The following EXT1 variants were observed in gnomAD, a reference collection of about 807,000 sequenced individuals.
EXT1 encodes exostosin-1.
In EXT1, 20 loss-of-function variants were observed where a neutral mutation model predicts 82.5. That is an observed-to-expected ratio of 0.24 (90% CI 0.17 to 0.35). EXT1 has a LOEUF of 0.35. EXT1 is among the 10% of genes least tolerant of loss of function. The probability of loss-of-function intolerance (pLI) is 1.00; values close to 1 mark genes in which losing one functional copy is unlikely to be tolerated. For missense variants in EXT1, 757 were observed against 936.5 expected, an observed-to-expected ratio of 0.81 and a Z score of 2.50; for synonymous variants, 348 against 350.8, an observed-to-expected ratio of 0.99 and a Z score of 0.09.
intron 1 of EXT1, among the ~76,000 whole-genome samples, chr8:118,089,823 G>A (rs1817490571): frequency 6.6e-6 from 1 of 152,204 alleles, no homozygotes; most frequent in South Asian, 2.1e-4. Flanking sequence ...AGGACAGGAA[G>A]CATGTGTGGT....
At chr8:117,980,698 G>T (rs2514725) in intron 1 of EXT1, among the ~76,000 whole-genome samples, 21,000 of 42,308 alleles carry the variant, frequency 0.5, 4,358 homozygotes, top group East Asian at 0.64. Flanking sequence ...GGTGTTGGTG[G>T]TTTTTTTTTT....
intron 1 of EXT1, among the ~76,000 whole-genome samples, chr8:117,943,468 AC>A (rs1814326569): frequency 6.7e-6 from 1 of 149,944 alleles, no homozygotes; most frequent in Non-Finnish European, 1.5e-5. Flanking sequence ...ATAGTCACAT[AC>A]AAAAAAAATG....
intron 1 of EXT1, among the ~76,000 whole-genome samples, chr8:117,880,744 C>A (rs1429139202): frequency 1.3e-5 from 2 of 152,032 alleles, no homozygotes; most frequent in African/African-American, 2.4e-5. Context: ...GCGCCCGCCA[C>A]CACGCCTGGC....
chr8:118,041,558 G>T (rs531301748), intron 1 of EXT1, among the ~76,000 whole-genome samples: 1 of 152,106 alleles, frequency 6.6e-6, no homozygotes, highest in South Asian at 2.1e-4. Flanking sequence ...CCCATGCATC[G>T]TGTTCCTCAA....
chr8:117,919,292 C>G (rs1813812003), intron 1 of EXT1, among the ~76,000 whole-genome samples: 1 of 151,136 alleles, frequency 6.6e-6, no homozygotes, highest in African/African-American at 2.4e-5. Flanking sequence ...CTCAAGTGAT[C>G]CTCCCACCTC....
intron 6 of EXT1, 120 bp downstream of exon 6, chr8:117,819,556 G>T (rs552891518): frequency 2.5e-6 from 2 of 814,686 alleles, no homozygotes; most frequent in African/African-American, 1.7e-5. Flanking sequence ...GAGTAGCAGG[G>T]TATGATGTTA....
chr8:118,111,694 T>TGGAGGC lies in EXT1; in HGVS notation c.-654_-649dup, dbSNP rs1248868192. ...CCCCCGGGACGCGCGGCGGCCCGGC[T>TGGAGGC]GGAGGCGGCGGCGGCGGCGGCGCTG... is the stretch of plus-strand genomic sequence containing the variant. On this transcript the variant is annotated 5_prime_UTR_variant, in exon 1 of 11. Coordinates refer to ENST00000378204, the MANE Select transcript of EXT1 (RefSeq NM_000127.3). 4.6e-6 allele frequency: 1 copy of TGGAGGC among 216,538 alleles called. No individual in the cohort carries two copies. Among genetic ancestry groups the TGGAGGC allele is most frequent in the Non-Finnish European group, 9.1e-6 (1 of 110,142 alleles). 13.4% of individuals were successfully genotyped at this position (216,538 alleles called of 1,614,324 possible).
chr8:117,890,877 C>G (rs542678722), intron 1 of EXT1, among the ~76,000 whole-genome samples: 2 of 152,130 alleles, frequency 1.3e-5, no homozygotes, highest in Non-Finnish European at 2.9e-5. Flanking sequence ...TAACTATCAC[C>G]GTTAGCTTGA....
chr8:117,902,812 A>C (rs1323292619), intron 1 of EXT1, among the ~76,000 whole-genome samples: 1 of 152,202 alleles, frequency 6.6e-6, no homozygotes, highest in Non-Finnish European at 1.5e-5. Flanking sequence ...GATTTAACAC[A>C]CATTATCTTC....
intron 1 of EXT1, among the ~76,000 whole-genome samples, chr8:117,953,016 CTG>C (rs1327314845): frequency 5.3e-5 from 8 of 152,092 alleles, no homozygotes; most frequent in Non-Finnish European, 1.2e-4. Context: ...CCAAGAATGT[CTG>C]TGTTTTAATT....
At chr8:118,098,932 C>T (rs1817668260) in intron 1 of EXT1, among the ~76,000 whole-genome samples, 1 of 152,098 alleles carries the variant, frequency 6.6e-6, no homozygotes, top group South Asian at 2.1e-4. Flanking sequence ...CTCTCTGGAG[C>T]CTTGGCGGAA....
chr8:118,085,874 T>C (rs1396588939), intron 1 of EXT1, among the ~76,000 whole-genome samples: 1 of 152,212 alleles, frequency 6.6e-6, no homozygotes, highest in Non-Finnish European at 1.5e-5. Context: ...TAAAGGAACA[T>C]TTCAAGCACC....
At chr8:117,829,763 C>T (rs1365135643) in intron 4 of EXT1, among the ~76,000 whole-genome samples, 2 of 151,656 alleles carry the variant, frequency 1.3e-5, no homozygotes, top group Non-Finnish European at 2.9e-5. Context: ...TTAGTAGAGA[C>T]GAGGTTTCAC....
intron 3 of EXT1, 137 bp downstream of exon 3, chr8:117,835,307 T>G: frequency 1.4e-6 from 1 of 707,990 alleles, no homozygotes. Flanking sequence ...TGACTTCATA[T>G]TCACCATGAC....
At chr8:117,835,419 T>C (rs749850964) in intron 3 of EXT1, 25 bp downstream of exon 3, 7 of 1,558,206 alleles carry the variant, frequency 4.5e-6, no homozygotes, top group Admixed American at 3.3e-5. Context: ...TGCTGATGTG[T>C]TGAAGGCCAC....
intron 1 of EXT1, among the ~76,000 whole-genome samples, chr8:117,906,529 C>G (rs1378783794): frequency 6.6e-6 from 1 of 152,162 alleles, no homozygotes; most frequent in African/African-American, 2.4e-5. Context: ...AATAAATATC[C>G]TCCAGTATGA....
chr8:117,827,348 A>G (rs1260759121), intron 4 of EXT1, among the ~76,000 whole-genome samples: 1 of 152,234 alleles, frequency 6.6e-6, no homozygotes, highest in Non-Finnish European at 1.5e-5. Context: ...AAATAATGGC[A>G]TATTGGTTTA....
intron 8 of EXT1, among the ~76,000 whole-genome samples, chr8:117,811,161 G>A (rs374426977): frequency 5.9e-5 from 9 of 152,276 alleles, no homozygotes; most frequent in African/African-American, 1.9e-4. Context: ...TTTGAATTCA[G>A]TTTGTTGCCA....
At chr8:118,099,374 T>C (rs1187155935) in intron 1 of EXT1, among the ~76,000 whole-genome samples, 1 of 152,242 alleles carries the variant, frequency 6.6e-6, no homozygotes, top group Non-Finnish European at 1.5e-5. Flanking sequence ...CTCTTTCATT[T>C]TTAAATGTAC....
Sources: allele counts gnomAD v4.1 joint callset (sites outside exome capture counted in the v4.1 genomes callset), GRCh38; gene constraint gnomAD v4.1.1; transcripts MANE v1.5; gene names NCBI Gene and HGNC (gene_info 2026-07-23, HGNC 2026-07-21).